The following ZNF782 variants were observed in gnomAD, a reference collection of about 807,000 sequenced individuals.
ZNF782 encodes zinc finger protein 782.
In ZNF782, 12 loss-of-function variants were observed where a neutral mutation model predicts 13.0. That is an observed-to-expected ratio of 0.92 (90% CI 0.59 to 1.50). The LOEUF is 1.50. Among genes scored for constraint, ZNF782 ranks in the 40% most tolerant of loss-of-function variants. The probability of loss-of-function intolerance (pLI) is 0.00; values close to 1 mark genes in which losing one functional copy is unlikely to be tolerated. For synonymous variants in ZNF782, 284 were observed against 283.0 expected (o/e 1.00, Z -0.04); for missense variants, 770 against 822.9 (o/e 0.94, Z 0.79).
At chr9:96,885,461 G>A in the ZNF782 span, among the ~76,000 whole-genome samples, 3 of 152,070 alleles carry the variant, frequency 2.0e-5, no homozygotes, top group African/African-American at 7.2e-5. Context: ...AGAAAAAAAG[G>A]TAAGAAAAGA....
chr9:96,818,414 T>C lies in ZNF782; in HGVS notation c.1609A>G (p.Asn537Asp), dbSNP rs1850255421. Residue 537 changes from asparagine to aspartate, a missense_variant, in exon 6 of 6, where the codon AAT becomes GAT. By Grantham distance (23) the Asn-to-Asp change is conservative. Coordinates refer to ENST00000481138, the MANE Select transcript of ZNF782 (RefSeq NM_001001662.3). ...THTGEKPYKC[N>D]QCGKAFGQKS... is the part of the protein sequence containing the mutation. Reference sequence around the variant, plus strand: ...TGACCGAAAGCTTTTCCACACTGATTACATTTGTAGGGCTTCTCCCCTGTG... The same window carrying C: ...TGACCGAAAGCTTTTCCACACTGATCACATTTGTAGGGCTTCTCCCCTGTG... 2 of 1,613,674 alleles carry C rather than the reference T, an allele frequency of 1.2e-6. No individual in the cohort carries two copies. The highest frequency in any genetic ancestry group is 1.7e-6 in the Non-Finnish European group (2 of 1,179,918).
the ZNF782 span, chr9:96,931,906 A>G: frequency 4.1e-5 from 66 of 1,611,922 alleles, no homozygotes; most frequent in Non-Finnish European, 5.3e-5. Flanking sequence ...TAGTGGCAGG[A>G]CAGGATGGCC....
At chr9:96,825,723 C>T (rs1423217257) in intron 5 of ZNF782, among the ~76,000 whole-genome samples, 1 of 152,118 alleles carries the variant, frequency 6.6e-6, no homozygotes, top group Non-Finnish European at 1.5e-5. Flanking sequence ...ACAACCCCAT[C>T]AAAAAGTGGG....
the ZNF782 span, among the ~76,000 whole-genome samples, chr9:96,915,460 C>T: frequency 6.7e-6 from 1 of 150,124 alleles, no homozygotes; most frequent in Admixed American, 6.6e-5. Context: ...GGGCAGATCA[C>T]CTGAGGTCAA....
intron 5 of ZNF782, among the ~76,000 whole-genome samples, chr9:96,820,279 G>A (rs1037967544): frequency 6.6e-6 from 1 of 152,178 alleles, no homozygotes; most frequent in African/African-American, 2.4e-5. Context: ...TCATTAGCCT[G>A]CAATAGTTCA....
In ZNF782 at chr9:96,819,122, T is replaced by TAATGTGTGACTTTTGGCTG; in HGVS notation, c.882_900dup (p.Arg301GlnfsTer7). On this transcript the variant is annotated frameshift_variant, in exon 6 of 6. Coordinates refer to ENST00000481138, the MANE Select transcript of ZNF782 (RefSeq NM_001001662.3). LOFTEE classifies it low-confidence loss of function (END_TRUNC). Reference sequence around the variant, plus strand: ...CCTATATGAACTCTATGATGTTCTCTAATGTGTGACTTTTGGCTGAAGGAT... The same window carrying TAATGTGTGACTTTTGGCTG: ...CCTATATGAACTCTATGATGTTCTCTAATGTGTGACTTTTGGCTGAATGTGTGACTTTTGGCTGAAGGAT... The TAATGTGTGACTTTTGGCTG allele has an allele frequency of 6.2e-7, 1 of 1,614,030 alleles. No homozygotes were observed. The highest frequency in any genetic ancestry group is 8.5e-7 in the Non-Finnish European group (1 of 1,180,010).
exon 1 of ZNF782, chr9:96,875,590 G>A (rs1028121716): frequency 1.1e-5 from 5 of 456,526 alleles, no homozygotes; most frequent in Non-Finnish European, 2.2e-5. Flanking sequence ...CTCCTCTGCC[G>A]CCGCGGGCAT....
upstream of ZNF782, among the ~76,000 whole-genome samples, chr9:96,877,329 A>C (rs1328125082): frequency 6.6e-6 from 1 of 152,196 alleles, no homozygotes; most frequent in Non-Finnish European, 1.5e-5. Flanking sequence ...GAACACCCCC[A>C]GATGCCGCTG....
At chr9:96,881,732 G>A in the ZNF782 span, among the ~76,000 whole-genome samples, 1 of 151,926 alleles carries the variant, frequency 6.6e-6, no homozygotes, top group Non-Finnish European at 1.5e-5. Context: ...GACCATAAAT[G>A]TTCATTTTCT....
chr9:96,898,402 A>G, the ZNF782 span, among the ~76,000 whole-genome samples: 3 of 147,780 alleles, frequency 2.0e-5, no homozygotes, highest in Non-Finnish European at 4.4e-5. Flanking sequence ...CCATACCACA[A>G]CATATGACCT....
the ZNF782 span, among the ~76,000 whole-genome samples, chr9:96,896,577 C>T: frequency 1.3e-5 from 2 of 152,160 alleles, no homozygotes; most frequent in African/African-American, 2.4e-5. Flanking sequence ...TTGCATCTAG[C>T]CCCTTGTACA....
At chr9:96,819,974 G>T (rs953058420) in intron 5 of ZNF782, among the ~76,000 whole-genome samples, 196 bp from the exon 6 acceptor site, 79 of 151,992 alleles carry the variant, frequency 5.2e-4, no homozygotes, top group Non-Finnish European at 1.0e-3. Flanking sequence ...AGTAGAAAAA[G>T]AAATGGGAAA....
At position 96,816,418 on chromosome 9, in the gene ZNF782, T is replaced by C. The variant is rs1366768269; in HGVS notation, c.*1505A>G. On this transcript the variant is annotated 3_prime_UTR_variant, in exon 6 of 6. Coordinates refer to ENST00000481138, the MANE Select transcript of ZNF782 (RefSeq NM_001001662.3). ...ATACCTGGTAAGTACCATGCATATA[T>C]ACATACATAAACAATCAATAACTCA... 6.6e-6 allele frequency: 1 copy of C among 152,232 alleles called. No homozygotes were observed. Among genetic ancestry groups the C allele is most frequent in the East Asian group, 1.9e-4 (1 of 5,202 alleles). The allele number at this position is 152,232 out of a possible 1,614,324, so 9.4% of individuals were successfully genotyped here.
At chr9:96,931,251 G>C in the ZNF782 span, among the ~76,000 whole-genome samples, 1 of 151,574 alleles carries the variant, frequency 6.6e-6, no homozygotes, top group African/African-American at 2.4e-5. Context: ...GAGCTTCAGG[G>C]AAAGGAAGAC....
chr9:96,863,355 A>AT (rs887734131), intron 1 of ZNF782, among the ~76,000 whole-genome samples: 3 of 152,186 alleles, frequency 2.0e-5, no homozygotes, highest in African/African-American at 7.2e-5. Context: ...AAAAATAAAA[A>AT]AAAAAAAATA....
At chr9:96,830,435 A>G (rs748196008) in intron 4 of ZNF782, among the ~76,000 whole-genome samples, 3 of 152,162 alleles carry the variant, frequency 2.0e-5, no homozygotes, top group Non-Finnish European at 4.4e-5. Context: ...AGATCCTACC[A>G]TGCAGGGTGT....
chr9:96,852,051 A>G, intron 2 of ZNF782, 46 bp from the exon 3 acceptor site: 1 of 1,331,926 alleles, frequency 7.5e-7, no homozygotes. Flanking sequence ...CCTACCTCAC[A>G]GCTCCTAGAT....
chr9:96,931,645 G>A, the ZNF782 span: 3,330 of 1,551,902 alleles, frequency 2.1e-3, 74 homozygotes, highest in African/African-American at 0.038. Flanking sequence ...TCAGCTGTTG[G>A]GACTCCCCTG....
the ZNF782 span, among the ~76,000 whole-genome samples, chr9:96,930,059 A>T: frequency 6.6e-6 from 1 of 152,266 alleles, no homozygotes; most frequent in Admixed American, 6.5e-5. Flanking sequence ...TAGAGACTGC[A>T]TGAGGTCCTA....
Sources: allele counts gnomAD v4.1 joint callset (sites outside exome capture counted in the v4.1 genomes callset), GRCh38; gene constraint gnomAD v4.1.1; transcripts MANE v1.5; gene names NCBI Gene and HGNC (gene_info 2026-07-23, HGNC 2026-07-21).